Variants in OSBPL3 observed in about 807,000 individuals in gnomAD.
The protein encoded by OSBPL3 is oxysterol-binding protein-related protein 3.
In OSBPL3, 65 loss-of-function variants were observed where a neutral mutation model predicts 120.1. That is an observed-to-expected ratio of 0.54 (90% CI 0.44 to 0.67). The LOEUF (loss-of-function observed/expected upper bound fraction) is 0.67, where lower values mean the gene tolerates loss of function less well. Ranked by LOEUF, OSBPL3 falls within the 30% of genes least tolerant of loss-of-function variation. OSBPL3 has a pLI of 0.00. For synonymous variants in OSBPL3, 416 were observed against 402.6 expected, an observed-to-expected ratio of 1.03 and a Z score of -0.40; for missense variants, 1,004 against 1,082.1, an observed-to-expected ratio of 0.93 and a Z score of 1.01.
chr7:24,888,923 A>T (rs58319890), intron 2 of OSBPL3, among the ~76,000 whole-genome samples: 20,854 of 152,216 alleles, frequency 0.14, 1,526 homozygotes, highest in African/African-American at 0.18. Flanking sequence ...AAATGACTTT[A>T]AAAAACCATG....
intron 1 of OSBPL3, among the ~76,000 whole-genome samples, chr7:24,942,535 AC>A (rs1430159559): frequency 6.6e-6 from 1 of 152,240 alleles, no homozygotes; most frequent in Non-Finnish European, 1.5e-5. Context: ...CATCTACTCA[AC>A]CATAGAGAAT....
In OSBPL3 at chr7:24,879,330, G is replaced by A; in HGVS notation, c.97-7261C>T. Among the ~76,000 whole-genome samples the A allele has an allele frequency of 6.6e-6, 1 of 152,214 alleles. No homozygotes were observed. The highest frequency in any genetic ancestry group is 1.9e-4 in the East Asian group (1 of 5,202). ...CTAAGTGAGAAGATTAAAGAAAACA[G>A]GAGACTGAGCAATGAAGCTCCCACT... On this transcript the variant is annotated intron_variant, in intron 2 of 22. Transcript: ENST00000313367. The surrounding 1 kb of genome is among the most constrained non-coding windows in gnomAD (Gnocchi z 5.6).
rs1418208164 is a variant in OSBPL3 at position 24,912,650 on chromosome 7, G to A, written c.-149-20029C>T. ...CTCCAGACCCAAGGCAGACGTCAAG[G>A]CTTATTTATGGCTTAGAGCAAGCTG... On this transcript the variant is annotated intron_variant, in intron 1 of 22. Transcript: ENST00000313367. This position sits in a 1 kb window ranked among gnomAD's most constrained non-coding sequence, Gnocchi z 4.5. Among the ~76,000 whole-genome samples the A allele has an allele frequency of 6.6e-6, 1 of 152,154 alleles. No homozygotes were observed. Among genetic ancestry groups the A allele is most frequent in the African/African-American group, 2.4e-5 (1 of 41,432 alleles).
intron 11 of OSBPL3, among the ~76,000 whole-genome samples, chr7:24,850,130 T>C (rs918547921): frequency 3.9e-5 from 6 of 152,148 alleles, no homozygotes; most frequent in Non-Finnish European, 8.8e-5. Flanking sequence ...TTAAGGACCA[T>C]GGCTCTGGGA....
chr7:24,926,140 T>C (rs1029829741), intron 1 of OSBPL3, among the ~76,000 whole-genome samples: 2 of 152,180 alleles, frequency 1.3e-5, no homozygotes, highest in Admixed American at 6.5e-5. Context: ...GTGTACTGAA[T>C]TGGGGATGAT....
chr7:24,927,480 T>C (rs1225146081), intron 1 of OSBPL3, among the ~76,000 whole-genome samples: 2 of 152,220 alleles, frequency 1.3e-5, no homozygotes, highest in Admixed American at 6.5e-5. Context: ...CTTGCATATA[T>C]AGTTATGCTA....
At chr7:24,970,686 A>G (rs1423555357) in intron 1 of OSBPL3, among the ~76,000 whole-genome samples, 1 of 152,192 alleles carries the variant, frequency 6.6e-6, no homozygotes, top group African/African-American at 2.4e-5. Flanking sequence ...GCTAATTAAC[A>G]TTTGCCTGCT....
At chr7:24,800,322 C>T (rs371253300) in intron 22 of OSBPL3, 43 bp from the exon 23 acceptor site, 4 of 1,149,942 alleles carry the variant, frequency 3.5e-6, no homozygotes, top group South Asian at 1.3e-5. Flanking sequence ...TTGAAACCAG[C>T]GTCACATTCT....
intron 1 of OSBPL3, among the ~76,000 whole-genome samples, chr7:24,928,871 C>T (rs1042658052): frequency 4.8e-4 from 73 of 152,290 alleles, no homozygotes; most frequent in African/African-American, 1.7e-3. Context: ...TGCTGAGTAG[C>T]ATTTTGTTGT....
At chr7:24,845,009 A>C (rs1798232320) in intron 12 of OSBPL3, among the ~76,000 whole-genome samples, 1 of 152,160 alleles carries the variant, frequency 6.6e-6, no homozygotes, top group Non-Finnish European at 1.5e-5. Context: ...AAAATTAAGA[A>C]TGTTTACAGA....
At chr7:24,829,005 C>G (rs1022652210) in intron 16 of OSBPL3, among the ~76,000 whole-genome samples, 4 of 152,158 alleles carry the variant, frequency 2.6e-5, no homozygotes, top group Non-Finnish European at 5.9e-5. Flanking sequence ...GATTTCTCCC[C>G]CACTGTGCCA....
At chr7:24,868,327 AAAAAAAAAAAAGT>A in intron 5 of OSBPL3, among the ~76,000 whole-genome samples, 1 of 128,758 alleles carries the variant, frequency 7.8e-6, no homozygotes, top group Non-Finnish European at 1.6e-5. Flanking sequence ...AAAAAAAAGA[AAAAAAAAAAAAGT>A]GTGTGTGTGT....
rs984055270 is a variant in OSBPL3 at position 24,877,963 on chromosome 7, G to T, written c.97-5894C>A. 5.3e-5 allele frequency among the ~76,000 whole-genome samples: 8 copies of T among 152,192 alleles called. No individual in the cohort carries two copies. The highest frequency in any genetic ancestry group is 5.2e-4 in the Admixed American group (8 of 15,284). On this transcript the variant is annotated intron_variant, in intron 2 of 22. Coordinates refer to ENST00000313367, the MANE Select transcript of OSBPL3 (RefSeq NM_015550.4). This position sits in a 1 kb window ranked among gnomAD's most constrained non-coding sequence, Gnocchi z 4.8. ...AGGTGGAGAGAGAAACATGGGAGGG[G>T]TTGGGGGATGTGGCTTCTTAAGGTT... is the stretch of plus-strand genomic sequence containing the variant.
chr7:24,876,684 G>C (rs1015066450), intron 2 of OSBPL3, among the ~76,000 whole-genome samples: 2 of 152,152 alleles, frequency 1.3e-5, no homozygotes, highest in Non-Finnish European at 2.9e-5. Context: ...TGTACAGCAT[G>C]CCATTTAAAA....
chr7:24,818,093 A>C lies in OSBPL3; in HGVS notation c.1949-1405T>G. Among the ~76,000 whole-genome samples, 1 of 152,212 alleles carries C rather than the reference A, an allele frequency of 6.6e-6. No homozygotes were observed. The highest frequency in any genetic ancestry group is 1.9e-4 in the East Asian group (1 of 5,198). ...GGCCTCATATTGTTTAATCCTATTT[A>C]TATAAAATGCCCCAAACAGGCACAT... On this transcript the variant is annotated intron_variant, in intron 17 of 22. Coordinates refer to ENST00000313367, the MANE Select transcript of OSBPL3 (RefSeq NM_015550.4). This position sits in a 1 kb window ranked among gnomAD's most constrained non-coding sequence, Gnocchi z 4.0.
chr7:24,902,546 A>G lies in OSBPL3; in HGVS notation c.-149-9925T>C, dbSNP rs1217617024. ...TGCTCCCCATGAGGCTGTGATGATA[A>G]TTTTCTAAAGCAAGTGGAACTGCTG... On this transcript the variant is annotated intron_variant, in intron 1 of 22. Transcript: ENST00000313367. Among the ~76,000 whole-genome samples the G allele has an allele frequency of 4.6e-5, 7 of 152,168 alleles. No individual in the cohort carries two copies. The East Asian group carries it at 1.4e-3, about 29-fold the overall frequency.
chr7:24,962,609 A>T (rs1369368071), intron 1 of OSBPL3, among the ~76,000 whole-genome samples: 1 of 152,186 alleles, frequency 6.6e-6, no homozygotes, highest in Non-Finnish European at 1.5e-5. Context: ...CATCTGTAGA[A>T]CTAATATTTG....
intron 1 of OSBPL3, among the ~76,000 whole-genome samples, chr7:24,970,699 C>T (rs552514688): frequency 6.6e-6 from 1 of 152,320 alleles, no homozygotes; most frequent in Non-Finnish European, 1.5e-5. Flanking sequence ...TGCCTGCTCC[C>T]TACTTCTAGG....
At position 24,854,516 on chromosome 7, in the gene OSBPL3, A is replaced by G. The variant is rs1044148612; in HGVS notation, c.1028-1882T>C. Among the ~76,000 whole-genome samples the G allele has an allele frequency of 1.4e-5, 2 of 147,284 alleles. No individual in the cohort carries two copies. Among genetic ancestry groups the G allele is most frequent in the African/African-American group, 2.6e-5 (1 of 38,880 alleles). On this transcript the variant is annotated intron_variant, in intron 10 of 22. Transcript: ENST00000313367. This position sits in a 1 kb window ranked among gnomAD's most constrained non-coding sequence, Gnocchi z 4.1. ...CACACACACACGCACACACACACAC[A>G]CACACACACACACACACACACAAAC...
Sources: gnomAD v4.1 joint callset for allele counts (sites outside exome capture counted in the v4.1 genomes callset) on GRCh38, gnomAD v4.1.1 for gene constraint, Gnocchi (gnomAD v3.1) non-coding constraint, MANE v1.5 for transcripts, NCBI Gene and HGNC (gene_info 2026-07-23, HGNC 2026-07-21) for gene names.